The following AGMO variants were observed in gnomAD, a reference collection of about 807,000 sequenced individuals.
AGMO encodes the protein alkylglycerol monooxygenase.
AGMO carries 75 observed loss-of-function variants against 60.2 expected under a neutral mutation model. The ratio of observed to expected loss-of-function variants is 1.25; its 90% confidence interval spans 1.03 to 1.51. The LOEUF is 1.51. Ranked by LOEUF, AGMO falls within the 40% of genes most tolerant of loss-of-function variation. The pLI is 0.00. For synonymous variants in AGMO, 261 were observed against 177.1 expected (o/e 1.47, Z -3.76); for missense variants, 763 against 525.5 (o/e 1.45, Z -4.42).
intron 3 of AGMO, among the ~76,000 whole-genome samples, chr7:15,484,469 T>C (rs1782859043): frequency 2.6e-5 from 4 of 152,208 alleles, no homozygotes; most frequent in Admixed American, 6.5e-5. Flanking sequence ...TCAAGATGGC[T>C]ATCTGGATGG....
intron 3 of AGMO, among the ~76,000 whole-genome samples, chr7:15,475,516 G>A (rs1026706160): frequency 6.6e-6 from 1 of 151,942 alleles, no homozygotes; most frequent in African/African-American, 2.4e-5. Flanking sequence ...GCAGGGAGGG[G>A]AACATCACAC....
chr7:15,531,498 T>TTC (rs1472178084), intron 3 of AGMO, among the ~76,000 whole-genome samples: 4 of 48,216 alleles, frequency 8.3e-5, no homozygotes, highest in African/African-American at 3.1e-4. Context: ...TCTATATATA[T>TTC]TCTATATATA....
intron 3 of AGMO, among the ~76,000 whole-genome samples, chr7:15,492,316 A>G (rs1427833573): frequency 6.6e-6 from 1 of 151,140 alleles, no homozygotes; most frequent in Non-Finnish European, 1.5e-5. Context: ...GGGTAAATGG[A>G]ACCGATTGCA....
At position 15,557,858 on chromosome 7, in the gene AGMO, TAACCTTTTACCTTTCTCTCAA is replaced by T. The variant is rs1785188394; in HGVS notation, c.257+2262_257+2282del. On this transcript the variant is annotated intron_variant, in intron 2 of 12. Coordinates refer to ENST00000342526, the MANE Select transcript of AGMO (RefSeq NM_001004320.2). ...AAAATATTCTCCAAATTAAAGTTCA[TAACCTTTTACCTTTCTCTCAA>T]AGGGCACCAGAGTTAACAGTTTGTG... Among the ~76,000 whole-genome samples the T allele has an allele frequency of 2.6e-5, 4 of 152,218 alleles. No homozygotes were observed. The South Asian group carries it at 8.3e-4, about 32-fold the overall frequency.
intron 5 of AGMO, among the ~76,000 whole-genome samples, chr7:15,403,174 G>T (rs572838824): frequency 6.6e-6 from 1 of 151,834 alleles, no homozygotes; most frequent in Admixed American, 6.6e-5. Flanking sequence ...CACAAGCATT[G>T]TCTAATAAGA....
chr7:15,301,968 A>C (rs1345814604), intron 12 of AGMO, among the ~76,000 whole-genome samples: 1 of 152,180 alleles, frequency 6.6e-6, no homozygotes, highest in Admixed American at 6.5e-5. Context: ...GTATCAGAGG[A>C]GAATAAGTAA....
chr7:15,516,586 C>A (rs1783812679), intron 3 of AGMO, among the ~76,000 whole-genome samples: 1 of 152,160 alleles, frequency 6.6e-6, no homozygotes, highest in South Asian at 2.1e-4. Flanking sequence ...TTTACAACTT[C>A]CTTTGTAAAG....
intron 12 of AGMO, among the ~76,000 whole-genome samples, chr7:15,224,791 A>T (rs1782027737): frequency 6.6e-6 from 1 of 152,084 alleles, no homozygotes; most frequent in African/African-American, 2.4e-5. Context: ...TGGGCCATGA[A>T]TAGGAGCAAA....
chr7:15,429,706 C>A (rs1192078735), intron 4 of AGMO, among the ~76,000 whole-genome samples: 1 of 151,950 alleles, frequency 6.6e-6, no homozygotes, highest in African/African-American at 2.4e-5. Flanking sequence ...TTAGTAACAT[C>A]CCTGGCTTAT....
chr7:15,266,901 A>T (rs572184884), intron 12 of AGMO, among the ~76,000 whole-genome samples: 1 of 152,078 alleles, frequency 6.6e-6, no homozygotes, highest in East Asian at 1.9e-4. Context: ...GTAATCTCAA[A>T]CTAGACTAGC....
At chr7:15,352,398 C>T (rs1782274845) in intron 12 of AGMO, among the ~76,000 whole-genome samples, 1 of 151,866 alleles carries the variant, frequency 6.6e-6, no homozygotes, top group Admixed American at 6.6e-5. Flanking sequence ...TACAAACTCA[C>T]GTGCAAACCT....
At chr7:15,501,644 T>TGA (rs1245105614) in intron 3 of AGMO, among the ~76,000 whole-genome samples, 3 of 151,984 alleles carry the variant, frequency 2.0e-5, no homozygotes, top group African/African-American at 7.2e-5. Flanking sequence ...GGTAGACTTA[T>TGA]GATGGTAGGC....
intron 12 of AGMO, among the ~76,000 whole-genome samples, chr7:15,201,927 T>C (rs560039525): frequency 2.0e-5 from 3 of 152,298 alleles, no homozygotes; most frequent in South Asian, 4.1e-4. Flanking sequence ...TGAATCATAT[T>C]AAGCAGCCTG....
chr7:15,134,839 T>A, the AGMO span, among the ~76,000 whole-genome samples: 2 of 152,068 alleles, frequency 1.3e-5, no homozygotes, highest in Non-Finnish European at 2.9e-5. Flanking sequence ...ACACTTCACA[T>A]ACACGTAACT....
intron 5 of AGMO, among the ~76,000 whole-genome samples, chr7:15,399,961 C>G (rs145800252): frequency 6.6e-6 from 1 of 152,160 alleles, no homozygotes; most frequent in Non-Finnish European, 1.5e-5. Context: ...GAGACCAATT[C>G]TCCAAGCACT....
intron 3 of AGMO, among the ~76,000 whole-genome samples, chr7:15,499,150 A>G (rs1783312303): frequency 1.3e-5 from 2 of 151,902 alleles, no homozygotes; most frequent in African/African-American, 4.8e-5. Flanking sequence ...AAACTCCGAT[A>G]CAGCACATTT....
At chr7:15,451,953 G>A (rs1781866002) in intron 3 of AGMO, among the ~76,000 whole-genome samples, 1 of 152,188 alleles carries the variant, frequency 6.6e-6, no homozygotes, top group East Asian at 1.9e-4. Context: ...TTGAAGGACA[G>A]CTGTTGGGAT....
chr7:15,496,803 C>G (rs1783245435), intron 3 of AGMO, among the ~76,000 whole-genome samples: 1 of 152,192 alleles, frequency 6.6e-6, no homozygotes, highest in African/African-American at 2.4e-5. Flanking sequence ...ATTAGCAAAG[C>G]GCACTTGCAT....
At chr7:15,285,935 A>G (rs1784085891) in intron 12 of AGMO, among the ~76,000 whole-genome samples, 1 of 151,966 alleles carries the variant, frequency 6.6e-6, no homozygotes, top group South Asian at 2.1e-4. Flanking sequence ...TACAACCAAA[A>G]CTGAGGCTTG....
Sources: allele counts gnomAD v4.1 joint callset (sites outside exome capture counted in the v4.1 genomes callset), GRCh38; gene constraint gnomAD v4.1.1; transcripts MANE v1.5; gene names NCBI Gene and HGNC (gene_info 2026-07-23, HGNC 2026-07-21).